The following DKK3 variants were observed in gnomAD, a reference collection of about 807,000 sequenced individuals.
The protein encoded by DKK3 is dickkopf-related protein 3.
DKK3 carries 22 observed loss-of-function variants against 33.2 expected under a neutral mutation model. That is an observed-to-expected ratio of 0.66 (90% CI 0.47 to 0.95). DKK3 has a LOEUF of 0.95. Ranked by LOEUF, DKK3 falls within the 40% of genes least tolerant of loss-of-function variation. The probability of loss-of-function intolerance (pLI) is 0.00; values close to 1 mark genes in which losing one functional copy is unlikely to be tolerated. For missense variants in DKK3, 398 were observed against 458.4 expected, an observed-to-expected ratio of 0.87 and a Z score of 1.20; for synonymous variants, 194 against 188.8, an observed-to-expected ratio of 1.03 and a Z score of -0.23.
At chr11:11,974,635 T>A (rs1039416386) in intron 3 of DKK3, among the ~76,000 whole-genome samples, 4 of 152,176 alleles carry the variant, frequency 2.6e-5, no homozygotes, top group African/African-American at 9.7e-5. Context: ...AGGTCTCACC[T>A]CTTAATACTG....
At chr11:12,007,768 C>T (rs1347025602) in intron 1 of DKK3, among the ~76,000 whole-genome samples, 1 of 152,210 alleles carries the variant, frequency 6.6e-6, no homozygotes, top group Admixed American at 6.5e-5. Context: ...AACTGCGAAG[C>T]ACCGTTGGGT....
At chr11:11,999,629 A>G (rs12807517) in intron 2 of DKK3, among the ~76,000 whole-genome samples, 1 of 152,028 alleles carries the variant, frequency 6.6e-6, no homozygotes, top group African/African-American at 2.4e-5. Flanking sequence ...CTCCATCTCA[A>G]AAACAAACAA....
intron 3 of DKK3, among the ~76,000 whole-genome samples, chr11:11,981,765 G>A (rs990439609): frequency 1.3e-5 from 2 of 152,088 alleles, no homozygotes; most frequent in African/African-American, 2.4e-5. Context: ...CCACTTTATA[G>A]CCCCATGACT....
At chr11:11,992,489 C>G (rs1848207594) in intron 3 of DKK3, among the ~76,000 whole-genome samples, 1 of 152,216 alleles carries the variant, frequency 6.6e-6, no homozygotes, top group Non-Finnish European at 1.5e-5. Context: ...ACCACCCACC[C>G]TCTGTGACTC....
Position 11,967,009 on chromosome 11 carries a change from G to T in DKK3, c.618C>A (p.Thr206=), listed in dbSNP as rs1241316202. The change falls in exon 5 of 7, where the codon ACC becomes ACA. Residue 206 remains threonine (T), a synonymous_variant. Coordinates refer to ENST00000683431, the MANE Select transcript of DKK3 (RefSeq NM_001018057.2). ...TKMATRGSNG[T]ICDNQRDCQP... ...GGCAGTCCCTCTGGTTGTCACAGAT[G>T]GTCCCATTGCTGCCCCTGGTGGCCA... 3.7e-6 allele frequency: 6 copies of T among 1,613,988 alleles called. No individual in the cohort carries two copies. Among genetic ancestry groups the T allele is most frequent in the Non-Finnish European group, 5.1e-6 (6 of 1,180,030 alleles).
At chr11:11,985,796 G>C (rs1848057767) in intron 3 of DKK3, among the ~76,000 whole-genome samples, 1 of 152,188 alleles carries the variant, frequency 6.6e-6, no homozygotes, top group Non-Finnish European at 1.5e-5. Context: ...TGTGCTTAAT[G>C]AATATTTGTT....
chr11:11,991,027 C>A (rs1366970291), intron 3 of DKK3, among the ~76,000 whole-genome samples: 2 of 152,240 alleles, frequency 1.3e-5, no homozygotes, highest in Non-Finnish European at 2.9e-5. Flanking sequence ...CAGCATAAGC[C>A]TCTTGTCTGT....
Position 11,964,633 on chromosome 11 carries a change from T to C in DKK3, c.884A>G (p.Asp295Gly). Reference protein sequence around the residue: ...KPTFVGSRDQDGEILLPREVP... With the variant: ...KPTFVGSRDQGGEILLPREVP... Reference sequence around the variant, plus strand: ...CTCTCTGGGCAGCAGGATCTCCCCATCTTGGTCACGGCTCCCCACGAAGGT... The same window carrying C: ...CTCTCTGGGCAGCAGGATCTCCCCACCTTGGTCACGGCTCCCCACGAAGGT... Residue 295 changes from aspartate to glycine, a missense_variant, in exon 7 of 7, where the codon GAT (aspartate) becomes GGT (glycine). Transcript: ENST00000683431. 1 of 1,614,120 alleles carries C rather than the reference T, an allele frequency of 6.2e-7. No individual in the cohort carries two copies. Among genetic ancestry groups the C allele is most frequent in the Admixed American group, 1.7e-5 (1 of 60,020 alleles).
intron 3 of DKK3, among the ~76,000 whole-genome samples, chr11:11,995,903 G>C (rs927779444): frequency 3.3e-5 from 5 of 152,162 alleles, no homozygotes; most frequent in African/African-American, 9.7e-5. Context: ...AACAGACCAG[G>C]GCCTTGCACA....
At chr11:11,976,955 G>A (rs1263262766) in intron 3 of DKK3, among the ~76,000 whole-genome samples, 2 of 152,192 alleles carry the variant, frequency 1.3e-5, no homozygotes, top group Non-Finnish European at 2.9e-5. Context: ...CAGCTCAGGG[G>A]GTGGGGGCCC....
At chr11:11,967,143 G>C in intron 4 of DKK3, 45 bp from the exon 5 acceptor site, 1 of 1,598,834 alleles carries the variant, frequency 6.3e-7, no homozygotes. Context: ...CTTAGGGACT[G>C]GGGGCCTGCT....
At chr11:12,005,467 G>T (rs889370124) in intron 1 of DKK3, among the ~76,000 whole-genome samples, 1 of 152,182 alleles carries the variant, frequency 6.6e-6, no homozygotes, top group Non-Finnish European at 1.5e-5. Context: ...GCCATGAGGG[G>T]AAGAGAAACA....
At position 11,964,299 on chromosome 11, in the gene DKK3, G is replaced by C. The variant is rs568957801; in HGVS notation, c.*165C>G. The C allele has an allele frequency of 4.1e-5, 36 of 884,770 alleles. No homozygotes were observed. The highest frequency in any genetic ancestry group is 6.1e-5 in the Non-Finnish European group (35 of 577,214). 54.8% of individuals were successfully genotyped at this position (884,770 alleles called of 1,614,324 possible). A position where few individuals can be genotyped will look rare whatever the true frequency, so the allele number is the denominator to read the frequency against. On this transcript the variant is annotated 3_prime_UTR_variant, in exon 7 of 7. Coordinates refer to ENST00000683431, the MANE Select transcript of DKK3 (RefSeq NM_001018057.2). Reference sequence around the variant, plus strand: ...GACTGTGAAGCCTGGAGAACAGCCTGGGGGAGCTGAACAAATGCACAACAC... The same window carrying C: ...GACTGTGAAGCCTGGAGAACAGCCTCGGGGAGCTGAACAAATGCACAACAC...
intron 6 of DKK3, 96 bp from the exon 7 acceptor site, chr11:11,964,782 C>T: frequency 6.5e-7 from 1 of 1,530,702 alleles, no homozygotes; most frequent in Non-Finnish European, 8.8e-7. Flanking sequence ...CCAGCCTCAC[C>T]TTCATGCCCC....
At chr11:11,991,031 T>C (rs1187165565) in intron 3 of DKK3, among the ~76,000 whole-genome samples, 2 of 152,242 alleles carry the variant, frequency 1.3e-5, no homozygotes, top group Non-Finnish European at 2.9e-5. Flanking sequence ...ATAAGCCTCT[T>C]GTCTGTATCA....
At chr11:11,968,593 C>T (rs1847656206) in intron 3 of DKK3, 106 bp from the exon 4 acceptor site, 8 of 1,083,344 alleles carry the variant, frequency 7.4e-6, no homozygotes, top group Non-Finnish European at 9.2e-6. Flanking sequence ...CTTGACCCCA[C>T]AGGCTCAGCA....
chr11:12,008,292 G>C lies in DKK3; in HGVS notation c.213+78C>G. ...GCGGGACCCGAGGTCCCTGGCCAGC[G>C]CTCTTCCATGCCTTCCCAGACTTCG... On this transcript the variant is annotated intron_variant, in intron 1 of 6. Transcript: ENST00000683431. The surrounding 1 kb of genome is among the most constrained non-coding windows in gnomAD (Gnocchi z 4.6). The C allele has an allele frequency of 6.7e-7, 1 of 1,492,492 alleles. No individual in the cohort carries two copies. The highest frequency in any genetic ancestry group is 8.9e-7 in the Non-Finnish European group (1 of 1,122,112). 92.5% of individuals were successfully genotyped at this position (1,492,492 alleles called of 1,614,324 possible).
chr11:12,001,573 C>T (rs1410662615), intron 2 of DKK3: 1 of 152,250 alleles, frequency 6.6e-6, no homozygotes, highest in Admixed American at 6.5e-5. Context: ...ATCTGCACAG[C>T]ACACAGTCTT....
chr11:11,978,147 G>A (rs1012418639), intron 3 of DKK3, among the ~76,000 whole-genome samples: 2 of 152,164 alleles, frequency 1.3e-5, no homozygotes, highest in African/African-American at 2.4e-5. Flanking sequence ...GCATTTCTTG[G>A]AAGAGAGAAA....
Sources: gnomAD v4.1 joint callset for allele counts (sites outside exome capture counted in the v4.1 genomes callset) on GRCh38, gnomAD v4.1.1 for gene constraint, Gnocchi (gnomAD v3.1) non-coding constraint, MANE v1.5 for transcripts, NCBI Gene and HGNC (gene_info 2026-07-23, HGNC 2026-07-21) for gene names.